LAMP3: variants seen among roughly 807,000 people sequenced by gnomAD.
The protein encoded by LAMP3 is lysosome-associated membrane glycoprotein 3.
LAMP3 carries 26 observed loss-of-function variants against 34.8 expected under a neutral mutation model. The ratio of observed to expected loss-of-function variants is 0.75; its 90% CI spans 0.55 to 1.04. The LOEUF (loss-of-function observed/expected upper bound fraction) is 1.04, where lower values mean the gene tolerates loss of function less well. LAMP3 is among the 50% of genes least tolerant of loss of function. The pLI is 0.00. For missense variants in LAMP3, 495 were observed against 524.0 expected (o/e 0.94, Z 0.54); for synonymous variants, 180 against 201.9 (o/e 0.89, Z 0.92).
intron 1 of LAMP3, chr3:183,158,068 C>T (rs1220832064): frequency 6.6e-6 from 1 of 152,246 alleles, no homozygotes; most frequent in Non-Finnish European, 1.5e-5. Context: ...TTGAACCTGT[C>T]AGAGAAGTAT....
At position 183,153,928 on chromosome 3, in the gene LAMP3, A is replaced by T; in HGVS notation, c.513T>A (p.Thr171=). The T allele has an allele frequency of 6.2e-7, 1 of 1,614,136 alleles. No homozygotes were observed. Among genetic ancestry groups the T allele is most frequent in the Non-Finnish European group, 8.5e-7 (1 of 1,180,034 alleles). The change falls in exon 2 of 6, where the codon ACT becomes ACA. Residue 171 remains threonine, a synonymous_variant. Coordinates refer to ENST00000265598, the MANE Select transcript of LAMP3 (RefSeq NM_014398.4). The part of the protein sequence containing the change: ...QPSNQTTLPA[T]LSIALHKSTT... Reference sequence around the variant, plus strand: ...TGCTTTTGTGCAGTGCTATCGATAAAGTTGCTGGAAGGGTGGTCTGGTTAC... The same window carrying T: ...TGCTTTTGTGCAGTGCTATCGATAATGTTGCTGGAAGGGTGGTCTGGTTAC...
chr3:183,138,230 T>A (rs1488580322), intron 4 of LAMP3, among the ~76,000 whole-genome samples: 1 of 152,136 alleles, frequency 6.6e-6, no homozygotes, highest in Non-Finnish European at 1.5e-5. Context: ...TTATTCTCTA[T>A]CCTAAGTGAG....
At chr3:183,140,375 C>T (rs1356790038) in intron 4 of LAMP3, among the ~76,000 whole-genome samples, 163 bp downstream of exon 4, 1 of 132,490 alleles carries the variant, frequency 7.5e-6, no homozygotes, top group Non-Finnish European at 1.5e-5. Flanking sequence ...CGTGCCACTA[C>T]ACTCCAGCCT....
At chr3:183,137,684 A>G (rs1015702086) in intron 4 of LAMP3, among the ~76,000 whole-genome samples, 7 of 152,134 alleles carry the variant, frequency 4.6e-5, no homozygotes, top group Non-Finnish European at 8.8e-5. Context: ...ACTATTCTTA[A>G]TACCCCCACT....
At chr3:183,151,958 A>G (rs768560628) in intron 3 of LAMP3, among the ~76,000 whole-genome samples, 1 of 151,998 alleles carries the variant, frequency 6.6e-6, no homozygotes, top group Non-Finnish European at 1.5e-5. Flanking sequence ...CTGGCCCTGA[A>G]TTTTGCCTGC....
chr3:183,135,745 A>G lies in LAMP3; in HGVS notation c.1089T>C (p.Phe363=), dbSNP rs1720063930. 1 of 1,614,088 alleles carries G rather than the reference A, an allele frequency of 6.2e-7. No homozygotes were observed. Among genetic ancestry groups the G allele is most frequent in the South Asian group, 1.1e-5 (1 of 91,088 alleles). The change falls in exon 5 of 6, where the codon TTT becomes TTC. Residue 363 remains phenylalanine (F), a synonymous_variant. Coordinates refer to ENST00000265598, the MANE Select transcript of LAMP3 (RefSeq NM_014398.4). ...TTCCAAAGTGGTCATCTTCAAAATC[A>G]AAGGCTTGAAGTTGGACATCGGTTG... ...VKTTDVQLQA[F]DFEDDHFGNV...
At chr3:183,127,643 T>C (rs778528193) in intron 5 of LAMP3, among the ~76,000 whole-genome samples, 5 of 152,220 alleles carry the variant, frequency 3.3e-5, no homozygotes, top group Non-Finnish European at 5.9e-5. Context: ...TTAAAAACTT[T>C]TAATTTTTGA....
chr3:183,162,858 C>G (rs976526353), upstream of LAMP3: 65 of 527,580 alleles, frequency 1.2e-4, no homozygotes, highest in Non-Finnish European at 2.0e-4. Context: ...GGCGGGGACT[C>G]GGCGCAGCCG....
At chr3:183,156,553 T>C (rs1720827904) in intron 1 of LAMP3, among the ~76,000 whole-genome samples, 1 of 152,166 alleles carries the variant, frequency 6.6e-6, no homozygotes, top group Non-Finnish European at 1.5e-5. Context: ...ATTTACAAAG[T>C]CCTAAAGTTC....
intron 1 of LAMP3, among the ~76,000 whole-genome samples, chr3:183,157,016 G>A (rs544988807): frequency 1.3e-5 from 2 of 152,244 alleles, no homozygotes; most frequent in Non-Finnish European, 2.9e-5. Flanking sequence ...ATGATCCTTG[G>A]TGAGGGTTTC....
intron 3 of LAMP3, 73 bp downstream of exon 3, chr3:183,152,302 C>T (rs953256968): frequency 6.8e-7 from 1 of 1,477,968 alleles, no homozygotes; most frequent in Non-Finnish European, 9.0e-7. Flanking sequence ...TGGGGTTGCA[C>T]CACCTGGCCC....
chr3:183,153,193 G>A (rs6443854), intron 2 of LAMP3, among the ~76,000 whole-genome samples: 124,296 of 141,182 alleles, frequency 0.88, 54,790 homozygotes, highest in Middle Eastern at 0.91. Flanking sequence ...AAAAAAAAAA[G>A]AAAGAAAATA....
At chr3:183,154,978 A>C (rs1314363638) in intron 1 of LAMP3, among the ~76,000 whole-genome samples, 1 of 152,106 alleles carries the variant, frequency 6.6e-6, no homozygotes, top group African/African-American at 2.4e-5. Context: ...ACAGTGGCAC[A>C]ATCTCGGCTC....
chr3:183,146,613 C>T lies in LAMP3; in HGVS notation c.888+5762G>A, dbSNP rs187337820. On this transcript the variant is annotated intron_variant, in intron 3 of 5. Transcript: ENST00000265598. ...CACAATCTCGGCTCACTGCAACTTC[C>T]GTCTCCTGGGTTCAAGCGATTCTCC... 6.2e-4 allele frequency among the ~76,000 whole-genome samples: 94 copies of T among 150,648 alleles called. 2 individuals are homozygous for T. The East Asian group carries it at 0.015, about 24-fold the overall frequency.
intron 3 of LAMP3, among the ~76,000 whole-genome samples, chr3:183,149,414 G>T (rs1483155203): frequency 1.3e-5 from 2 of 151,090 alleles, no homozygotes; most frequent in East Asian, 3.9e-4. Context: ...GTGGTGCGTG[G>T]CTGTAGTGTA....
At chr3:183,150,713 T>C (rs939281077) in intron 3 of LAMP3, among the ~76,000 whole-genome samples, 4 of 152,040 alleles carry the variant, frequency 2.6e-5, no homozygotes, top group African/African-American at 9.7e-5. Context: ...TGTGCTACCA[T>C]GCCCAGCTAA....
intron 1 of LAMP3, among the ~76,000 whole-genome samples, chr3:183,158,900 GT>G (rs928523825): frequency 1.6e-4 from 23 of 147,116 alleles, no homozygotes; most frequent in East Asian, 1.2e-3. Context: ...CTTTGTTTTT[GT>G]TTTTTTTTTC....
rs148982293 is a variant in LAMP3, at chr3:183,143,705, G to GA, written c.889-3111dup. On this transcript the variant is annotated intron_variant, in intron 3 of 5. Coordinates refer to ENST00000265598, the MANE Select transcript of LAMP3 (RefSeq NM_014398.4). ...ATCCCTATTAAGTGTCTCTTTCCAA[G>GA]AAAAAAAAAGATTCCAAGTTTTACA... Among the ~76,000 whole-genome samples the GA allele has an allele frequency of 4.0e-3, 606 of 149,942 alleles. 5 individuals are homozygous for GA. The highest frequency in any genetic ancestry group is 0.014 in the African/African-American group (582 of 40,876).
rs58229572 is a variant in LAMP3 at position 183,140,410 on chromosome 3, CAAAAAAAAAAAA to C, written c.946+116_946+127del. 7.6e-3 allele frequency: 1,477 copies of C among 194,314 alleles called. 2 individuals are homozygous for C. The highest frequency in any genetic ancestry group is 0.027 in the East Asian group (244 of 9,074). 12.0% of individuals were successfully genotyped at this position (194,314 alleles called of 1,614,324 possible). On this transcript the variant is annotated intron_variant, in intron 4 of 5. Coordinates refer to ENST00000265598, the MANE Select transcript of LAMP3 (RefSeq NM_014398.4). ...TGGGAAACAGAGCAAGACTCCATCT[CAAAAAAAAAAAA>C]AAAAAAAAAAAAAAAAAGCAGCATC...
Sources: gnomAD v4.1 joint callset for allele counts (sites outside exome capture counted in the v4.1 genomes callset) on GRCh38, gnomAD v4.1.1 for gene constraint, MANE v1.5 for transcripts, NCBI Gene and HGNC (gene_info 2026-07-23, HGNC 2026-07-21) for gene names.